The following GMDS variants were observed in gnomAD, a reference collection of about 807,000 sequenced individuals.
The protein encoded by GMDS is GDP-mannose 4,6 dehydratase.
In GMDS, 20 loss-of-function variants were observed where a neutral mutation model predicts 49.9. That is an observed-to-expected ratio of 0.40 (90% CI 0.28 to 0.58). The LOEUF (loss-of-function observed/expected upper bound fraction) is 0.58. Among genes scored for constraint, GMDS ranks in the 20% least tolerant of loss-of-function variants. The pLI, the probability that GMDS is intolerant of heterozygous loss-of-function variation, is 0.42. For missense variants in GMDS, 362 were observed against 481.4 expected, an observed-to-expected ratio of 0.75 and a Z score of 2.32; for synonymous variants, 177 against 178.6, an observed-to-expected ratio of 0.99 and a Z score of 0.07.
At chr6:1,915,735 C>T (rs569854029) in intron 7 of GMDS, among the ~76,000 whole-genome samples, 1 of 152,326 alleles carries the variant, frequency 6.6e-6, no homozygotes, top group African/African-American at 2.4e-5. Flanking sequence ...CTCTCTATGC[C>T]TTATGTTTTC....
intron 1 of GMDS, among the ~76,000 whole-genome samples, chr6:2,134,973 A>G (rs1300154333): frequency 6.6e-6 from 1 of 152,126 alleles, no homozygotes; most frequent in Non-Finnish European, 1.5e-5. Flanking sequence ...GAGGTAGCTG[A>G]TATTATCCTC....
chr6:1,669,377 G>A (rs1764341834), intron 9 of GMDS, among the ~76,000 whole-genome samples: 1 of 152,124 alleles, frequency 6.6e-6, no homozygotes, highest in African/African-American at 2.4e-5. Flanking sequence ...TACTCTCTGG[G>A]ATACACTTCA....
At chr6:1,666,042 A>G (rs954182534) in intron 9 of GMDS, among the ~76,000 whole-genome samples, 1 of 152,188 alleles carries the variant, frequency 6.6e-6, no homozygotes, top group Admixed American at 6.5e-5. Context: ...GTGGGTCATC[A>G]GCAGAGGAGT....
In GMDS at chr6:1,884,317, C is replaced by T. The variant is rs571313540; in HGVS notation, c.771+45786G>A. Among the ~76,000 whole-genome samples the T allele has an allele frequency of 6.6e-5, 10 of 152,292 alleles. No individual in the cohort carries two copies. In the South Asian group the frequency reaches 1.7e-3, roughly 25 times the overall value. On this transcript the variant is annotated intron_variant, in intron 7 of 10. Coordinates refer to ENST00000380815, the MANE Select transcript of GMDS (RefSeq NM_001500.4). ...ATAAGAGGGCAATTTATATTTAACT[C>T]AAATGATCACACTTAATAAAAAGCA...
In GMDS at chr6:2,013,189, T is replaced by C. The variant is rs1402988797; in HGVS notation, c.346-52223A>G. On this transcript the variant is annotated intron_variant, in intron 4 of 10. Transcript: ENST00000380815. The stretch of plus-strand genomic sequence containing the variant: ...AGAGAGCAGTAAGCCACAGACTCTA[T>C]TTAGGAAATAGTTCTCAAGGTATCC... 3.3e-5 allele frequency among the ~76,000 whole-genome samples: 5 copies of C among 152,208 alleles called. No individual in the cohort carries two copies. The South Asian group carries it at 1.0e-3, about 32-fold the overall frequency.
At chr6:2,129,379 C>T (rs951707965) in intron 1 of GMDS, among the ~76,000 whole-genome samples, 8 of 152,158 alleles carry the variant, frequency 5.3e-5, no homozygotes, top group Non-Finnish European at 5.9e-5. Flanking sequence ...GTAGCCCAGA[C>T]AGACAAACGA....
At chr6:2,035,014 A>G (rs1245649232) in intron 4 of GMDS, among the ~76,000 whole-genome samples, 4 of 152,164 alleles carry the variant, frequency 2.6e-5, no homozygotes, top group Non-Finnish European at 5.9e-5. Flanking sequence ...CACCATCTCT[A>G]GTCTACCTTC....
intron 1 of GMDS, among the ~76,000 whole-genome samples, chr6:2,180,075 A>G (rs893106378): frequency 6.6e-6 from 1 of 152,208 alleles, no homozygotes; most frequent in African/African-American, 2.4e-5. Context: ...TGTGGTCTAA[A>G]TGAAACCAAA....
At chr6:1,681,407 G>A (rs538133724) in intron 9 of GMDS, among the ~76,000 whole-genome samples, 11 of 152,290 alleles carry the variant, frequency 7.2e-5, no homozygotes, top group African/African-American at 2.4e-4. Flanking sequence ...GTCCCAAAAT[G>A]GCTCAAGAAG....
intron 7 of GMDS, among the ~76,000 whole-genome samples, chr6:1,867,711 T>A (rs928392088): frequency 1.3e-5 from 2 of 152,208 alleles, no homozygotes; most frequent in African/African-American, 4.8e-5. Context: ...TAGGTAATTG[T>A]AAATTATTCA....
intron 6 of GMDS, among the ~76,000 whole-genome samples, chr6:1,954,287 T>C (rs892935301): frequency 2.6e-5 from 4 of 152,258 alleles, no homozygotes; most frequent in African/African-American, 9.6e-5. Flanking sequence ...AATGACCATC[T>C]GTGCCTTTTG....
chr6:1,835,443 T>C (rs764938550), intron 7 of GMDS, among the ~76,000 whole-genome samples: 29 of 152,164 alleles, frequency 1.9e-4, no homozygotes, highest in Non-Finnish European at 3.5e-4. Flanking sequence ...TATAACAAAT[T>C]TGGTGAATTC....
At chr6:1,637,298 C>T (rs961562892) in intron 9 of GMDS, among the ~76,000 whole-genome samples, 3 of 152,224 alleles carry the variant, frequency 2.0e-5, no homozygotes, top group South Asian at 4.1e-4. Flanking sequence ...CCAGGAGCCC[C>T]GCAGCTGGGC....
chr6:1,981,605 G>A (rs1765224148), intron 4 of GMDS, among the ~76,000 whole-genome samples: 1 of 152,124 alleles, frequency 6.6e-6, no homozygotes, highest in South Asian at 2.1e-4. Flanking sequence ...AAGAGGAGCT[G>A]GTACCATTTT....
At chr6:1,654,325 A>G (rs921465565) in intron 9 of GMDS, among the ~76,000 whole-genome samples, 3 of 152,252 alleles carry the variant, frequency 2.0e-5, no homozygotes, top group African/African-American at 7.2e-5. Flanking sequence ...TTACAGCAGC[A>G]TTATTCAAAA....
chr6:1,658,350 G>C (rs770927040), intron 9 of GMDS, among the ~76,000 whole-genome samples: 3 of 152,232 alleles, frequency 2.0e-5, no homozygotes, highest in Admixed American at 1.3e-4. Flanking sequence ...TTTCCCGAAG[G>C]CTTTCCCACC....
At chr6:1,969,345 T>A (rs1194281465) in intron 4 of GMDS, among the ~76,000 whole-genome samples, 1 of 149,162 alleles carries the variant, frequency 6.7e-6, no homozygotes, top group East Asian at 2.0e-4. Context: ...TATTTAATTA[T>A]CCTGTAAATG....
At chr6:2,179,300 C>A (rs1216531284) in intron 1 of GMDS, among the ~76,000 whole-genome samples, 2 of 151,294 alleles carry the variant, frequency 1.3e-5, no homozygotes, top group African/African-American at 2.4e-5. Flanking sequence ...AAAGGTTATG[C>A]CAAAAAAAAA....
intron 7 of GMDS, among the ~76,000 whole-genome samples, chr6:1,818,470 T>C (rs914103814): frequency 2.6e-5 from 4 of 151,590 alleles, no homozygotes; most frequent in African/African-American, 7.3e-5. Context: ...TAGCCAGGCG[T>C]GGTGGCAGGT....
Sources: allele counts gnomAD v4.1 joint callset (sites outside exome capture counted in the v4.1 genomes callset), GRCh38; gene constraint gnomAD v4.1.1; transcripts MANE v1.5; gene names NCBI Gene and HGNC (gene_info 2026-07-23, HGNC 2026-07-21).